Variants in EPHB1 observed in about 807,000 individuals in gnomAD.
EPHB1 encodes the protein EPH receptor B1.
EPHB1 carries 30 observed loss-of-function variants against 94.4 expected under a neutral mutation model. The observed-to-expected ratio is 0.32, with a 90% CI of 0.24 to 0.43. EPHB1 has a LOEUF of 0.43. Ranked by LOEUF, EPHB1 falls within the 20% of genes least tolerant of loss-of-function variation. The pLI is 1.00. For synonymous variants in EPHB1, 522 were observed against 489.1 expected, an observed-to-expected ratio of 1.07 and a Z score of -0.89; for missense variants, 1,055 against 1,308.3, an observed-to-expected ratio of 0.81 and a Z score of 2.99.
intron 2 of EPHB1, among the ~76,000 whole-genome samples, chr3:134,945,434 T>A: frequency 6.6e-6 from 1 of 152,168 alleles, no homozygotes; most frequent in Non-Finnish European, 1.5e-5. Context: ...ACAAAAGTTA[T>A]GTTTTCTTTT....
At chr3:135,246,840 A>C (rs1407807320) in intron 13 of EPHB1, among the ~76,000 whole-genome samples, 1 of 152,222 alleles carries the variant, frequency 6.6e-6, no homozygotes, top group Non-Finnish European at 1.5e-5. Flanking sequence ...ATTGAATGAA[A>C]GAACTAATAC....
At chr3:135,193,859 A>G (rs753918524) in intron 11 of EPHB1, among the ~76,000 whole-genome samples, 5 of 152,166 alleles carry the variant, frequency 3.3e-5, no homozygotes, top group Non-Finnish European at 4.4e-5. Context: ...CACAACAACA[A>G]TTTATTTTGC....
At chr3:135,072,930 CA>C (rs1394708033) in intron 3 of EPHB1, among the ~76,000 whole-genome samples, 3 of 152,128 alleles carry the variant, frequency 2.0e-5, no homozygotes, top group Admixed American at 6.5e-5. Context: ...TCCAGTTGAT[CA>C]GAGGGGGTAC....
At chr3:135,233,116 G>A (rs1300263338) in intron 12 of EPHB1, among the ~76,000 whole-genome samples, 1 of 152,114 alleles carries the variant, frequency 6.6e-6, no homozygotes, top group Non-Finnish European at 1.5e-5. Context: ...TGCCATTCCG[G>A]CAGTCCCCCA....
intron 3 of EPHB1, among the ~76,000 whole-genome samples, chr3:135,105,377 C>A (rs1442489820): frequency 6.6e-6 from 1 of 152,110 alleles, no homozygotes; most frequent in Non-Finnish European, 1.5e-5. Flanking sequence ...AACAAGTTGA[C>A]CAGTCAGTAG....
At chr3:135,047,683 A>T (rs986726523) in intron 3 of EPHB1, among the ~76,000 whole-genome samples, 2 of 151,478 alleles carry the variant, frequency 1.3e-5, no homozygotes, top group Admixed American at 1.3e-4. Context: ...TTCTCTGTTT[A>T]TTTGTTTCTT....
intron 3 of EPHB1, chr3:134,977,868 C>A: frequency 2.4e-6 from 1 of 420,362 alleles, no homozygotes; most frequent in Non-Finnish European, 4.7e-6. Flanking sequence ...GAGCTGGCAC[C>A]AGAGCCTCCT....
At chr3:135,021,543 T>C (rs1277831002) in intron 3 of EPHB1, among the ~76,000 whole-genome samples, 1 of 150,772 alleles carries the variant, frequency 6.6e-6, no homozygotes, top group Non-Finnish European at 1.5e-5. Context: ...CACTCTTTTC[T>C]AATTATAAGA....
intron 5 of EPHB1, among the ~76,000 whole-genome samples, chr3:135,149,230 T>C (rs747405520): frequency 3.9e-5 from 6 of 152,262 alleles, no homozygotes; most frequent in Non-Finnish European, 7.3e-5. Context: ...TTGAATAATC[T>C]TGTGAACTCT....
At chr3:135,154,904 C>T (rs943590001) in intron 6 of EPHB1, among the ~76,000 whole-genome samples, 1 of 152,220 alleles carries the variant, frequency 6.6e-6, no homozygotes, top group East Asian at 1.9e-4. Context: ...CCTGGCCTCC[C>T]TCTTACCAGG....
intron 12 of EPHB1, among the ~76,000 whole-genome samples, chr3:135,216,058 G>C (rs527292930): frequency 6.6e-6 from 1 of 152,308 alleles, no homozygotes; most frequent in African/African-American, 2.4e-5. Flanking sequence ...CAAGCCCAGG[G>C]AAGCATGAAG....
chr3:135,173,950 C>G (rs1384904867), intron 9 of EPHB1, among the ~76,000 whole-genome samples: 1 of 152,180 alleles, frequency 6.6e-6, no homozygotes, highest in Non-Finnish European at 1.5e-5. Flanking sequence ...TCCCTAATTC[C>G]CCACATCTGA....
chr3:135,013,697 A>G (rs908094779), intron 3 of EPHB1, among the ~76,000 whole-genome samples: 12 of 152,214 alleles, frequency 7.9e-5, no homozygotes, highest in Non-Finnish European at 1.5e-4. Flanking sequence ...ATTTCCAAAT[A>G]TATTCCCAAA....
At chr3:135,013,821 C>G (rs1355846287) in intron 3 of EPHB1, among the ~76,000 whole-genome samples, 2 of 152,162 alleles carry the variant, frequency 1.3e-5, no homozygotes, top group Non-Finnish European at 2.9e-5. Flanking sequence ...ATGACTAACT[C>G]AATTACACAT....
intron 3 of EPHB1, among the ~76,000 whole-genome samples, chr3:135,051,093 A>C (rs1937156799): frequency 6.6e-6 from 1 of 152,200 alleles, no homozygotes; most frequent in Non-Finnish European, 1.5e-5. Flanking sequence ...TCCTTATGGC[A>C]ACACAAGCAA....
intron 1 of EPHB1, among the ~76,000 whole-genome samples, chr3:134,810,967 G>A (rs1270283032): frequency 6.6e-6 from 1 of 152,142 alleles, no homozygotes; most frequent in Admixed American, 6.5e-5. Flanking sequence ...GGGAGAGTGA[G>A]CGACTGCTTT....
At chr3:135,183,016 TTTTCTTTTCTTTTC>T (rs1475894463) in intron 10 of EPHB1, among the ~76,000 whole-genome samples, 785 of 74,294 alleles carry the variant, frequency 0.011, 4 homozygotes, top group Middle Eastern at 0.023. Flanking sequence ...TTTTCTTTTC[TTTTCTTTTCTTTTC>T]TTTCTTTCTT....
chr3:134,979,992 C>G (rs559456828), intron 3 of EPHB1, among the ~76,000 whole-genome samples: 1 of 152,302 alleles, frequency 6.6e-6, no homozygotes, highest in South Asian at 2.1e-4. Flanking sequence ...GAGACCTTAA[C>G]TGGAAAGATT....
At chr3:135,070,232 A>T (rs964431278) in intron 3 of EPHB1, among the ~76,000 whole-genome samples, 1 of 152,190 alleles carries the variant, frequency 6.6e-6, no homozygotes, top group Non-Finnish European at 1.5e-5. Context: ...TTGCTGCCTA[A>T]AAAAGTCCAT....
Sources: allele counts gnomAD v4.1 joint callset (sites outside exome capture counted in the v4.1 genomes callset), GRCh38; gene constraint gnomAD v4.1.1; transcripts MANE v1.5; gene names NCBI Gene and HGNC (gene_info 2026-07-23, HGNC 2026-07-21).